Variants in RNF11 observed in about 807,000 individuals in gnomAD.
The protein encoded by RNF11 is ring finger protein 11.
A neutral mutation model predicts 15.8 loss-of-function variants in RNF11; 4 were observed. The observed-to-expected ratio is 0.25, with a 90% confidence interval of 0.12 to 0.58. The LOEUF is 0.58. Ranked by LOEUF, RNF11 falls within the 20% of genes least tolerant of loss-of-function variation. The probability of loss-of-function intolerance (pLI) is 0.91; values close to 1 mark genes in which losing one functional copy is unlikely to be tolerated. For missense variants in RNF11, 139 were observed against 194.4 expected (o/e 0.71, Z 1.70); for synonymous variants, 68 against 72.3 (o/e 0.94, Z 0.30).
At chr1:51,269,925 AATC>A in intron 1 of RNF11, 28 bp from the exon 2 acceptor site, 1 of 1,582,364 alleles carries the variant, frequency 6.3e-7, no homozygotes, top group Non-Finnish European at 8.6e-7. Context: ...TTTAAAAAAT[AATC>A]TTTTTCCTCT....
At chr1:51,255,184 A>G (rs1010896807) in intron 1 of RNF11, among the ~76,000 whole-genome samples, 2 of 152,210 alleles carry the variant, frequency 1.3e-5, no homozygotes, top group Admixed American at 6.5e-5. Context: ...TACTACTTAT[A>G]TATCATGCAA....
intron 1 of RNF11, among the ~76,000 whole-genome samples, chr1:51,255,720 T>C (rs1168925724): frequency 6.6e-6 from 1 of 152,252 alleles, no homozygotes; most frequent in East Asian, 1.9e-4. Context: ...GCACCATTTG[T>C]TGAAAATAGT....
chr1:51,257,223 G>C (rs886297853), intron 1 of RNF11, among the ~76,000 whole-genome samples: 1 of 152,168 alleles, frequency 6.6e-6, no homozygotes, highest in Non-Finnish European at 1.5e-5. Flanking sequence ...TCTGGTAAAA[G>C]TTTCTCCCAG....
At position 51,272,775 on chromosome 1, in the gene RNF11, TTTC is replaced by T. The variant is rs1010902986; in HGVS notation, c.*1456_*1458del. ...TGGTCTCAACCTAACATCAGAAGTGTTTCTTATTATTATTTTATATTGAGTTGA... is the reference window on the plus strand; with the variant it reads ...TGGTCTCAACCTAACATCAGAAGTGTTTATTATTATTTTATATTGAGTTGA... On this transcript the variant is annotated 3_prime_UTR_variant, in exon 3 of 3. Transcript: ENST00000242719. 1.2e-4 allele frequency: 19 copies of T among 152,120 alleles called. No homozygotes were observed. The highest frequency in any genetic ancestry group is 3.9e-4 in the African/African-American group (16 of 41,442). The allele number at this position is 152,120 out of a possible 1,614,324, so 9.4% of individuals were successfully genotyped here. A position where few individuals can be genotyped will look rare whatever the true frequency, so the allele number is the denominator to read the frequency against.
rs1259494694 is a variant in RNF11, at chr1:51,236,714, G to T, written c.-43G>T. 2.5e-6 allele frequency: 4 copies of T among 1,605,124 alleles called. No homozygotes were observed. Among genetic ancestry groups the T allele is most frequent in the South Asian group, 1.1e-5 (1 of 90,158 alleles). On this transcript the variant is annotated 5_prime_UTR_variant, in exon 1 of 3. Coordinates refer to ENST00000242719, the MANE Select transcript of RNF11 (RefSeq NM_014372.5). ...CGCGGAGTGTGCGAACGACCCCACC[G>T]CTGCTTTCTCCTCCCCCAGATCACG...
chr1:51,236,929 A>T, intron 1 of RNF11, 50 bp downstream of exon 1: 1 of 1,563,260 alleles, frequency 6.4e-7, no homozygotes, highest in Non-Finnish European at 8.7e-7. Context: ...GCTCTGGCGG[A>T]GATTGAGGGG....
chr1:51,246,855 G>A (rs2148066600), intron 1 of RNF11, among the ~76,000 whole-genome samples: 1 of 151,960 alleles, frequency 6.6e-6, no homozygotes, highest in South Asian at 2.1e-4. Context: ...GCTTGTGCCT[G>A]TGGTCCCAGT....
chr1:51,271,778 T>C lies in RNF11; in HGVS notation c.*456T>C, dbSNP rs1646979867. On this transcript the variant is annotated 3_prime_UTR_variant, in exon 3 of 3. Transcript: ENST00000242719. Reference sequence around the variant, plus strand: ...TATTAAAAGCTACATTTTATAACACTGGCACACACAAAAAAGTAGTTTTAA... The same window carrying C: ...TATTAAAAGCTACATTTTATAACACCGGCACACACAAAAAAGTAGTTTTAA... 1 of 154,222 alleles carries C rather than the reference T, an allele frequency of 6.5e-6. No homozygotes were observed. The highest frequency in any genetic ancestry group is 2.4e-5 in the African/African-American group (1 of 41,466). 9.6% of individuals were successfully genotyped at this position (154,222 alleles called of 1,614,324 possible).
chr1:51,269,783 T>C, intron 1 of RNF11, 173 bp from the exon 2 acceptor site: 1 of 618,648 alleles, frequency 1.6e-6, no homozygotes, highest in Non-Finnish European at 2.9e-6. Context: ...TGTGTGTATG[T>C]TTTATTCTAG....
chr1:51,248,932 C>G (rs1646864982), intron 1 of RNF11, among the ~76,000 whole-genome samples: 1 of 151,816 alleles, frequency 6.6e-6, no homozygotes, highest in African/African-American at 2.4e-5. Context: ...AGAGCTAATA[C>G]AAATTAAAAA....
At chr1:51,249,974 ATACCTATT>A (rs1286005952) in intron 1 of RNF11, among the ~76,000 whole-genome samples, 1 of 152,176 alleles carries the variant, frequency 6.6e-6, no homozygotes, top group Non-Finnish European at 1.5e-5. Context: ...GCTTTCACAC[ATACCTATT>A]CGTCGTTCTT....
rs1169018878 is a variant in RNF11 at position 51,272,617 on chromosome 1, C to T, written c.*1295C>T. 6.6e-6 allele frequency: 1 copy of T among 152,246 alleles called. No individual in the cohort carries two copies. The highest frequency in any genetic ancestry group is 6.6e-5 in the Admixed American group (1 of 15,266). 9.4% of individuals were successfully genotyped at this position (152,246 alleles called of 1,614,324 possible). A position where few individuals can be genotyped will look rare whatever the true frequency, so the allele number is the denominator to read the frequency against. Reference sequence around the variant, plus strand: ...CTGAAGTGTTAGAGGTAGAGATGGTCTAGTAAAGATGTAGTAGTAATGTTT... The same window carrying T: ...CTGAAGTGTTAGAGGTAGAGATGGTTTAGTAAAGATGTAGTAGTAATGTTT... On this transcript the variant is annotated 3_prime_UTR_variant, in exon 3 of 3. Transcript: ENST00000242719.
In RNF11 at chr1:51,251,023, C is replaced by A; in HGVS notation, c.123+14144C>A. 2.0e-6 allele frequency: 3 copies of A among 1,480,758 alleles called. No homozygotes were observed. The South Asian group carries it at 3.5e-5, about 17-fold the overall frequency. 91.7% of individuals were successfully genotyped at this position (1,480,758 alleles called of 1,614,324 possible). ...GAGAGCTTGGCCAGGATGATGGCCC[C>A]ATGGATGGCGGTGGCCACCTCCTTG... On this transcript the variant is annotated intron_variant, in intron 1 of 2. Coordinates refer to ENST00000242719, the MANE Select transcript of RNF11 (RefSeq NM_014372.5).
chr1:51,264,610 A>G (rs1569682147), intron 1 of RNF11, among the ~76,000 whole-genome samples: 1 of 152,194 alleles, frequency 6.6e-6, no homozygotes, highest in Non-Finnish European at 1.5e-5. Flanking sequence ...ATATAAAGAG[A>G]AGGATCAGAA....
chr1:51,239,495 C>G (rs1462940425), intron 1 of RNF11, among the ~76,000 whole-genome samples: 6 of 152,074 alleles, frequency 3.9e-5, no homozygotes, highest in African/African-American at 1.4e-4. Context: ...TCCCCCACCC[C>G]CAAAGAAATA....
At chr1:51,255,850 C>G (rs1428683378) in intron 1 of RNF11, among the ~76,000 whole-genome samples, 1 of 152,166 alleles carries the variant, frequency 6.6e-6, no homozygotes, top group Non-Finnish European at 1.5e-5. Context: ...TAGGCTAGTA[C>G]TGTACTGTAG....
chr1:51,249,013 A>T (rs1646865384), intron 1 of RNF11, among the ~76,000 whole-genome samples: 1 of 152,224 alleles, frequency 6.6e-6, no homozygotes, highest in African/African-American at 2.4e-5. Context: ...TTTAAAGTAT[A>T]TGGGAGGGTG....
chr1:51,241,520 T>A (rs994155399), intron 1 of RNF11, among the ~76,000 whole-genome samples: 1 of 152,198 alleles, frequency 6.6e-6, no homozygotes, highest in African/African-American at 2.4e-5. Context: ...CACTAAGTGT[T>A]AAGTGATTTA....
At position 51,256,630 on chromosome 1, in the gene RNF11, A is replaced by G. The variant is rs549043823; in HGVS notation, c.124-13326A>G. On this transcript the variant is annotated intron_variant, in intron 1 of 2. Transcript: ENST00000242719. ...TAATAATATGTTTAGTTGTGTGAGA[A>G]TTATCAAACTGTCACCCTAAGCATA... Among the ~76,000 whole-genome samples, 4 of 152,270 alleles carry G rather than the reference A, an allele frequency of 2.6e-5. No individual in the cohort carries two copies. The South Asian group carries it at 8.3e-4, about 32-fold the overall frequency.
Sources: allele counts gnomAD v4.1 joint callset (sites outside exome capture counted in the v4.1 genomes callset), GRCh38; gene constraint gnomAD v4.1.1; transcripts MANE v1.5; gene names NCBI Gene and HGNC (gene_info 2026-07-23, HGNC 2026-07-21).